TCEA1: variants seen among roughly 807,000 people sequenced by gnomAD.
TCEA1 encodes transcription elongation factor A1.
Under a neutral mutation model 43.8 loss-of-function variants are expected in TCEA1, and 21 were observed. That is an observed-to-expected ratio of 0.48 (90% CI 0.34 to 0.69). TCEA1 has a LOEUF of 0.69. Ranked by LOEUF, TCEA1 falls within the 30% of genes least tolerant of loss-of-function variation. The pLI is 0.01. For synonymous variants in TCEA1, 104 were observed against 117.5 expected, an observed-to-expected ratio of 0.88 and a Z score of 0.75; for missense variants, 250 against 365.1, an observed-to-expected ratio of 0.68 and a Z score of 2.57.
chr8:53,977,814 C>G (rs1803378512), intron 8 of TCEA1, among the ~76,000 whole-genome samples: 1 of 152,020 alleles, frequency 6.6e-6, no homozygotes, highest in African/African-American at 2.4e-5. Context: ...TGTAAGTTAT[C>G]AATATTACAA....
intron 7 of TCEA1, among the ~76,000 whole-genome samples, chr8:53,983,078 C>T (rs568886172): frequency 1.3e-5 from 2 of 152,278 alleles, no homozygotes; most frequent in Admixed American, 6.5e-5. Flanking sequence ...AGTCAGCAGC[C>T]GTCAACATCC....
rs979487022 is a variant in TCEA1 at position 53,985,793 on chromosome 8, G to C, written c.523+1176C>G. On this transcript the variant is annotated intron_variant, in intron 6 of 9. Transcript: ENST00000521604. ...CGCTTCCTCTGGGATAATGAGCTCA[G>C]GTGACTGTGTGTGCTCTGAGGTCCC... Among the ~76,000 whole-genome samples, 12 of 152,316 alleles carry C rather than the reference G, an allele frequency of 7.9e-5. No homozygotes were observed. The East Asian group carries it at 9.6e-4, about 12-fold the overall frequency.
intron 2 of TCEA1, chr8:54,009,653 G>C (rs888275483): frequency 6.6e-6 from 1 of 152,228 alleles, no homozygotes; most frequent in African/African-American, 2.4e-5. Context: ...ATGGATACCA[G>C]AGACTGGGAA....
At chr8:53,983,918 G>A (rs967577424) in intron 7 of TCEA1, among the ~76,000 whole-genome samples, 5 of 152,116 alleles carry the variant, frequency 3.3e-5, no homozygotes, top group Middle Eastern at 3.2e-3. Flanking sequence ...TGACCAACAT[G>A]AAGAAACCCT....
At chr8:54,016,978 CAAAAA>C (rs1159105172) in intron 1 of TCEA1, among the ~76,000 whole-genome samples, 1 of 67,408 alleles carries the variant, frequency 1.5e-5, no homozygotes. Flanking sequence ...GACTCCGTCT[CAAAAA>C]AAAAAAAAAA....
rs150097440 is a variant in TCEA1 at position 54,020,872 on chromosome 8, T to C, written c.63+1191A>G. On this transcript the variant is annotated intron_variant, in intron 1 of 9. Transcript: ENST00000521604. ...TGTGCCGAACGTGGTTAAACAAATT[T>C]AGGTGAGGACAATTATATAAGTTTA... 2.9e-3 allele frequency among the ~76,000 whole-genome samples: 446 copies of C among 152,306 alleles called. 3 individuals carry two copies. Among genetic ancestry groups the C allele is most frequent in the African/African-American group, 0.01 (426 of 41,574 alleles).
intron 2 of TCEA1, among the ~76,000 whole-genome samples, chr8:54,007,623 A>C (rs1586030419): frequency 6.6e-6 from 1 of 152,250 alleles, no homozygotes; most frequent in East Asian, 1.9e-4. Context: ...TGGTAATACA[A>C]CTGTGGTTTA....
intron 6 of TCEA1, among the ~76,000 whole-genome samples, chr8:53,986,484 A>AT (rs1803691651): frequency 6.6e-6 from 1 of 152,158 alleles, no homozygotes; most frequent in African/African-American, 2.4e-5. Flanking sequence ...GGAAAGCGAA[A>AT]TTCTTTAGGT....
chr8:54,002,239 A>C (rs1250108003), intron 2 of TCEA1, among the ~76,000 whole-genome samples: 1 of 152,078 alleles, frequency 6.6e-6, no homozygotes, highest in Non-Finnish European at 1.5e-5. Context: ...TGGGAGGCCG[A>C]GGTGGGTGGA....
At chr8:53,970,488 A>G (rs1585982056) in intron 8 of TCEA1, 25 bp from the exon 9 acceptor site, 4 of 1,507,866 alleles carry the variant, frequency 2.7e-6, no homozygotes, top group African/African-American at 1.4e-5. Flanking sequence ...AATTAAATGT[A>G]CTTTTTGCAG....
chr8:53,997,503 A>G (rs1383688274), intron 3 of TCEA1, among the ~76,000 whole-genome samples: 2 of 152,220 alleles, frequency 1.3e-5, no homozygotes, highest in Admixed American at 6.5e-5. Flanking sequence ...TACCTTGAGA[A>G]GGACATAACA....
chr8:53,998,815 A>G (rs1804152403), intron 3 of TCEA1, among the ~76,000 whole-genome samples: 1 of 152,240 alleles, frequency 6.6e-6, no homozygotes, highest in Non-Finnish European at 1.5e-5. Context: ...TGGTCTTCAA[A>G]TGAGAAAGGA....
chr8:53,987,567 G>T (rs186657644), intron 5 of TCEA1, among the ~76,000 whole-genome samples: 63 of 152,238 alleles, frequency 4.1e-4, no homozygotes, highest in Admixed American at 7.2e-4. Flanking sequence ...TGCAGAATGA[G>T]AGAAAAGAAA....
At chr8:53,975,714 T>C (rs974438787) in intron 8 of TCEA1, among the ~76,000 whole-genome samples, 7 of 152,158 alleles carry the variant, frequency 4.6e-5, no homozygotes, top group African/African-American at 1.4e-4. Context: ...GAGAGCAGAA[T>C]GGTGGTTGTT....
chr8:53,999,815 G>A, intron 3 of TCEA1, 130 bp downstream of exon 3: 1 of 650,568 alleles, frequency 1.5e-6, no homozygotes, highest in Non-Finnish European at 2.6e-6. Context: ...TTTATTACGA[G>A]GCACTGCTTT....
chr8:53,972,704 G>C, intron 8 of TCEA1: 1 of 658,386 alleles, frequency 1.5e-6, no homozygotes, highest in Non-Finnish European at 2.9e-6. Flanking sequence ...CCCCAAAAAA[G>C]GACTGGACCT....
At chr8:53,972,591 G>C in intron 8 of TCEA1, 1 of 564,302 alleles carries the variant, frequency 1.8e-6, no homozygotes, top group Non-Finnish European at 3.5e-6. Context: ...TAAAGGAGGT[G>C]TTATATTTCC....
At chr8:53,991,447 C>A (rs1202070866) in intron 4 of TCEA1, among the ~76,000 whole-genome samples, 1 of 149,258 alleles carries the variant, frequency 6.7e-6, no homozygotes, top group African/African-American at 2.5e-5. Context: ...GTAATCCTAG[C>A]ACTTTGGGAG....
In TCEA1 at chr8:54,008,083, A is replaced by G. The variant is rs944177185; in HGVS notation, c.126+2347T>C. 4.0e-5 allele frequency among the ~76,000 whole-genome samples: 6 copies of G among 150,618 alleles called. 1 individual carries two copies. Among genetic ancestry groups the G allele is most frequent in the Admixed American group, 1.3e-4 (2 of 15,028 alleles). On this transcript the variant is annotated intron_variant, in intron 2 of 9. Transcript: ENST00000521604. ...CGTAATCCCAGCTACTGGGGAGGCTAAGGCAAGAGAATTGCTTGAATCCAG... is the reference window on the plus strand; with the variant it reads ...CGTAATCCCAGCTACTGGGGAGGCTGAGGCAAGAGAATTGCTTGAATCCAG...
Sources: allele counts gnomAD v4.1 joint callset (sites outside exome capture counted in the v4.1 genomes callset), GRCh38; gene constraint gnomAD v4.1.1; transcripts MANE v1.5; gene names NCBI Gene and HGNC (gene_info 2026-07-23, HGNC 2026-07-21).